TMEM132B: variants seen among roughly 807,000 people sequenced by gnomAD.
The protein encoded by TMEM132B is transmembrane protein 132B.
A neutral mutation model predicts 90.8 loss-of-function variants in TMEM132B; 18 were observed. The observed-to-expected ratio is 0.20, with a 90% CI of 0.14 to 0.29. TMEM132B has a LOEUF of 0.29. Among genes scored for constraint, TMEM132B ranks in the 10% least tolerant of loss-of-function variants. TMEM132B has a pLI of 1.00. For synonymous variants in TMEM132B, 504 were observed against 523.3 expected, an observed-to-expected ratio of 0.96 and a Z score of 0.50; for missense variants, 1,096 against 1,326.8, an observed-to-expected ratio of 0.83 and a Z score of 2.70.
chr12:125,457,156 C>A (rs964854715), intron 3 of TMEM132B, among the ~76,000 whole-genome samples: 80 of 152,326 alleles, frequency 5.3e-4, no homozygotes, highest in African/African-American at 1.8e-3. Flanking sequence ...GCTGCATGTA[C>A]AGCAAGTGAC....
chr12:125,263,651 AT>A (rs920591408), intron 1 of TMEM132B, among the ~76,000 whole-genome samples: 3 of 152,212 alleles, frequency 2.0e-5, no homozygotes, highest in African/African-American at 7.2e-5. Flanking sequence ...TGTTTCAAAA[AT>A]TTTTTTTGAG....
rs1592985371 is a variant in TMEM132B at position 125,545,365 on chromosome 12, A to C, written c.1293+25740A>C. On this transcript the variant is annotated intron_variant, in intron 4 of 8. Coordinates refer to ENST00000682704, the MANE Select transcript of TMEM132B (RefSeq NM_001366854.1). ...ACAAACCATAGATCATTTAGGATAC[A>C]TCCTTAGAATAGGGCAGGTGGTCAC... is the stretch of plus-strand genomic sequence containing the variant. 2.6e-5 allele frequency among the ~76,000 whole-genome samples: 4 copies of C among 152,344 alleles called. No homozygotes were observed. In the South Asian group the frequency reaches 8.3e-4, roughly 32 times the overall value.
chr12:125,223,572 A>G (rs1251359823), intron 1 of TMEM132B, among the ~76,000 whole-genome samples: 2 of 152,236 alleles, frequency 1.3e-5, no homozygotes, highest in Non-Finnish European at 2.9e-5. Context: ...CATTTAGAAT[A>G]TTTAAAATAT....
At chr12:125,361,134 C>T (rs942941475) in intron 2 of TMEM132B, among the ~76,000 whole-genome samples, 2 of 152,118 alleles carry the variant, frequency 1.3e-5, no homozygotes, top group Non-Finnish European at 2.9e-5. Context: ...GGGACACGCC[C>T]GCTGCCCAGC....
At chr12:125,208,371 G>T (rs570444766) in intron 1 of TMEM132B, among the ~76,000 whole-genome samples, 1 of 152,338 alleles carries the variant, frequency 6.6e-6, no homozygotes, top group East Asian at 1.9e-4. Context: ...GTGTTGTGCA[G>T]TCATCACCTT....
Position 125,522,379 on chromosome 12 carries a change from G to A in TMEM132B, c.1293+2754G>A, listed in dbSNP as rs144854196. On this transcript the variant is annotated intron_variant, in intron 4 of 8. Transcript: ENST00000682704. ...CAGAGGACTGGGATAGTGAGGGATT[G>A]GTTAGTTAGAAGTGAAGAGAACTCT... Among the ~76,000 whole-genome samples, 6 of 152,320 alleles carry A rather than the reference G, an allele frequency of 3.9e-5. No homozygotes were observed. The East Asian group carries it at 1.2e-3, about 29-fold the overall frequency.
At chr12:125,527,578 ATCC>A (rs1334835867) in intron 4 of TMEM132B, among the ~76,000 whole-genome samples, 208 of 127,380 alleles carry the variant, frequency 1.6e-3, no homozygotes, top group African/African-American at 5.2e-3. Flanking sequence ...CCACCCTTCC[ATCC>A]ACCCGTTTAC....
intron 1 of TMEM132B, among the ~76,000 whole-genome samples, chr12:125,330,916 T>C (rs923305374): frequency 6.6e-6 from 1 of 152,252 alleles, no homozygotes; most frequent in African/African-American, 2.4e-5. Flanking sequence ...CCTGTGTTCC[T>C]AGCTACTCAG....
Position 125,368,820 on chromosome 12 carries a change from C to T in TMEM132B, c.959+18477C>T, listed in dbSNP as rs868526563. Among the ~76,000 whole-genome samples the T allele has an allele frequency of 2.6e-5, 4 of 151,698 alleles. No homozygotes were observed. In the South Asian group the frequency reaches 6.2e-4, roughly 24 times the overall value. ...TGCTTGGAAATACAATTTTTTTTTA[C>T]ATTCAATTTGTTCCATGACAGGAAT... On this transcript the variant is annotated intron_variant, in intron 2 of 8. Coordinates refer to ENST00000682704, the MANE Select transcript of TMEM132B (RefSeq NM_001366854.1).
intron 5 of TMEM132B, among the ~76,000 whole-genome samples, chr12:125,614,958 G>A (rs1313369463): frequency 6.6e-6 from 1 of 152,070 alleles, no homozygotes; most frequent in African/African-American, 2.4e-5. Flanking sequence ...TAGGATTCTT[G>A]GTTGACAGTT....
At chr12:125,527,361 C>T (rs1245878918) in intron 4 of TMEM132B, among the ~76,000 whole-genome samples, 1 of 142,810 alleles carries the variant, frequency 7.0e-6, no homozygotes, top group Non-Finnish European at 1.5e-5. Flanking sequence ...ATCCACCCTT[C>T]CATCCACCCT....
chr12:125,286,744 C>T (rs1875367560), intron 1 of TMEM132B, among the ~76,000 whole-genome samples: 1 of 151,960 alleles, frequency 6.6e-6, no homozygotes, highest in Non-Finnish European at 1.5e-5. Flanking sequence ...CACTCTGTCG[C>T]CCAGGCTGGA....
chr12:125,401,592 C>T (rs919171028), intron 2 of TMEM132B, among the ~76,000 whole-genome samples: 7 of 151,958 alleles, frequency 4.6e-5, no homozygotes, highest in South Asian at 2.1e-4. Flanking sequence ...GGTTTAGAGA[C>T]GAGAAGGAAT....
At chr12:125,217,306 C>G (rs1303454524) in intron 1 of TMEM132B, among the ~76,000 whole-genome samples, 3 of 152,140 alleles carry the variant, frequency 2.0e-5, no homozygotes, top group African/African-American at 7.2e-5. Flanking sequence ...GGCTGGGTCA[C>G]TCACTCTCCT....
At chr12:125,295,538 G>GAGAGAGAGAC (rs1445138028) in intron 1 of TMEM132B, among the ~76,000 whole-genome samples, 16 of 149,054 alleles carry the variant, frequency 1.1e-4, no homozygotes, top group African/African-American at 3.5e-4. Flanking sequence ...GAGAGAGAGA[G>GAGAGAGAGAC]AGAGACAGAG....
Position 125,655,658 on chromosome 12 carries a change from A to G in TMEM132B, c.*948A>G, listed in dbSNP as rs1887041756. On this transcript the variant is annotated 3_prime_UTR_variant, in exon 9 of 9. Transcript: ENST00000682704. ...GGTAAAAAGGCCCCAACATAGCTGT[A>G]TTTATACAAGTGCTTTGTGGCCAAC... 1 of 152,244 alleles carries G rather than the reference A, an allele frequency of 6.6e-6. No homozygotes were observed. The highest frequency in any genetic ancestry group is 1.5e-5 in the Non-Finnish European group (1 of 68,040). 9.4% of individuals were successfully genotyped at this position (152,244 alleles called of 1,614,324 possible).
intron 2 of TMEM132B, among the ~76,000 whole-genome samples, chr12:125,374,652 C>A (rs1044551348): frequency 1.5e-4 from 23 of 151,752 alleles, no homozygotes; most frequent in Non-Finnish European, 8.8e-5. Flanking sequence ...CCCCGCCCCG[C>A]CCCGGCTTCT....
rs1566034807 is a variant in TMEM132B at position 125,432,501 on chromosome 12, A to ATGTATGTGTATATATATATG, written c.1106+16827_1106+16828insATGTGTATATATATATGTGT. On this transcript the variant is annotated intron_variant, in intron 3 of 8. Coordinates refer to ENST00000682704, the MANE Select transcript of TMEM132B (RefSeq NM_001366854.1). ...TGTATATATATGTATGTGTATATATATGTGTGTGTGTATATATATATATAT... is the reference window on the plus strand; with the variant it reads ...TGTATATATATGTATGTGTATATATATGTATGTGTATATATATATGTGTGTGTGTGTATATATATATATAT... Among the ~76,000 whole-genome samples the ATGTATGTGTATATATATATG allele has an allele frequency of 3.3e-3, 99 of 29,994 alleles. 28 individuals carry two copies. Among genetic ancestry groups the ATGTATGTGTATATATATATG allele is most frequent in the African/African-American group, 0.024 (68 of 2,878 alleles). The allele number at this position is 29,994 out of a possible 152,430, so 19.7% of individuals were successfully genotyped here. A position where few individuals can be genotyped will look rare whatever the true frequency, so the allele number is the denominator to read the frequency against.
intron 3 of TMEM132B, among the ~76,000 whole-genome samples, chr12:125,421,844 T>C (rs1444404600): frequency 3.3e-5 from 5 of 152,264 alleles, no homozygotes; most frequent in Admixed American, 6.5e-5. Context: ...AAACATGAAC[T>C]GGCCTAAATT....
Sources: gnomAD v4.1 joint callset for allele counts (sites outside exome capture counted in the v4.1 genomes callset) on GRCh38, gnomAD v4.1.1 for gene constraint, MANE v1.5 for transcripts, NCBI Gene and HGNC (gene_info 2026-07-23, HGNC 2026-07-21) for gene names.